The following KLF12 variants were observed in gnomAD, a reference collection of about 807,000 sequenced individuals.
The protein encoded by KLF12 is Krueppel-like factor 12.
A neutral mutation model predicts 37.8 loss-of-function variants in KLF12; 9 were observed. That is an observed-to-expected ratio of 0.24 (90% confidence interval 0.14 to 0.42). KLF12 has a LOEUF of 0.42. Among genes scored for constraint, KLF12 ranks in the 10% least tolerant of loss-of-function variants. The probability of loss-of-function intolerance (pLI) is 1.00; values close to 1 mark genes in which losing one functional copy is unlikely to be tolerated. For missense variants in KLF12, 411 were observed against 516.0 expected (o/e 0.80, Z 1.97); for synonymous variants, 208 against 202.1 (o/e 1.03, Z -0.25).
chr13:74,060,482 TTTTGTGTG>T (rs1206083419), intron 1 of KLF12, among the ~76,000 whole-genome samples: 4 of 67,340 alleles, frequency 5.9e-5, no homozygotes, highest in African/African-American at 2.8e-4. Context: ...TATACCTAGG[TTTTGTGTG>T]TGTGTGTGTG....
At chr13:73,872,394 C>A (rs958596594) in intron 3 of KLF12, among the ~76,000 whole-genome samples, 1 of 152,048 alleles carries the variant, frequency 6.6e-6, no homozygotes, top group Non-Finnish European at 1.5e-5. Flanking sequence ...ATTTTGAATG[C>A]TCAGGATTTT....
rs530032749 is a variant in KLF12, at chr13:74,043,175, C to T, written c.-31-48122G>A. On this transcript the variant is annotated intron_variant, in intron 1 of 7. Transcript: ENST00000377669. ...AAATAAGGGTCTAGCACTGCTGAAG[C>T]TTGCGTAAGTATCCCACTCATGGTC... Among the ~76,000 whole-genome samples the T allele has an allele frequency of 3.3e-5, 5 of 152,312 alleles. No individual in the cohort carries two copies. The South Asian group carries it at 8.3e-4, about 25-fold the overall frequency.
chr13:73,963,266 G>A (rs1368321241), intron 2 of KLF12, among the ~76,000 whole-genome samples: 2 of 144,150 alleles, frequency 1.4e-5, no homozygotes, highest in Non-Finnish European at 3.0e-5. Flanking sequence ...CAATCATAAA[G>A]TATAAGAGAG....
chr13:74,045,545 TGAG>T (rs1893519605), intron 1 of KLF12, among the ~76,000 whole-genome samples: 1 of 151,644 alleles, frequency 6.6e-6, no homozygotes, highest in South Asian at 2.1e-4. Context: ...AGATGAAAAC[TGAG>T]GAGATCTGAA....
intron 1 of KLF12, among the ~76,000 whole-genome samples, chr13:74,089,501 T>C (rs1232850215): frequency 3.9e-5 from 6 of 152,038 alleles, no homozygotes; most frequent in South Asian, 4.1e-4. Context: ...AAGATACTAC[T>C]ATAAAACCAC....
intron 1 of KLF12, among the ~76,000 whole-genome samples, chr13:74,082,098 C>T: frequency 6.7e-6 from 1 of 149,556 alleles, no homozygotes. Flanking sequence ...GAGGCTGAGG[C>T]AGGAGGACTG....
intron 7 of KLF12, among the ~76,000 whole-genome samples, chr13:73,709,472 C>T (rs1480806767): frequency 1.3e-5 from 2 of 152,150 alleles, no homozygotes; most frequent in Non-Finnish European, 2.9e-5. Flanking sequence ...TAAGAGCATG[C>T]AAACCAACCT....
At chr13:73,705,705 C>T in intron 7 of KLF12, among the ~76,000 whole-genome samples, 1 of 152,136 alleles carries the variant, frequency 6.6e-6, no homozygotes. Flanking sequence ...ATGACCAACA[C>T]TCAAATCTAG....
At chr13:74,068,118 T>C (rs1404854720) in intron 1 of KLF12, among the ~76,000 whole-genome samples, 1 of 152,172 alleles carries the variant, frequency 6.6e-6, no homozygotes, top group Non-Finnish European at 1.5e-5. Context: ...TAATAAGAGG[T>C]TTTTATCCTA....
chr13:74,010,362 A>G (rs969611154), intron 1 of KLF12, among the ~76,000 whole-genome samples: 2 of 152,216 alleles, frequency 1.3e-5, no homozygotes, highest in Non-Finnish European at 2.9e-5. Context: ...TTTTGGTAAG[A>G]CCACGAACAA....
At chr13:74,164,168 T>A in the KLF12 span, among the ~76,000 whole-genome samples, 1 of 152,144 alleles carries the variant, frequency 6.6e-6, no homozygotes, top group Non-Finnish European at 1.5e-5. Context: ...TGTCACTGTC[T>A]AGTCAAATGA....
At chr13:73,889,717 A>T (rs768554446) in intron 3 of KLF12, among the ~76,000 whole-genome samples, 4 of 152,150 alleles carry the variant, frequency 2.6e-5, no homozygotes, top group Non-Finnish European at 4.4e-5. Context: ...ATAAGCAAAG[A>T]TAATGCAAAA....
chr13:74,230,740 C>G, the KLF12 span, among the ~76,000 whole-genome samples: 1 of 152,216 alleles, frequency 6.6e-6, no homozygotes, highest in East Asian at 1.9e-4. Flanking sequence ...GCACGACTAT[C>G]AAGTGTTTAT....
the KLF12 span, among the ~76,000 whole-genome samples, chr13:74,173,019 C>T: frequency 2.6e-5 from 4 of 152,198 alleles, no homozygotes; most frequent in Non-Finnish European, 4.4e-5. Context: ...GATTCTGGGG[C>T]TTTTAATTTT....
At chr13:73,774,285 C>T (rs74095569) in intron 5 of KLF12, among the ~76,000 whole-genome samples, 113 of 62,520 alleles carry the variant, frequency 1.8e-3, no homozygotes, top group African/African-American at 7.8e-3. Flanking sequence ...TATATATATA[C>T]ACACACACAC....
chr13:74,203,881 ACT>A, the KLF12 span, among the ~76,000 whole-genome samples: 2 of 152,034 alleles, frequency 1.3e-5, no homozygotes, highest in Non-Finnish European at 2.9e-5. Flanking sequence ...GTCCCCCAAG[ACT>A]CTGTTTTGAA....
intron 3 of KLF12, among the ~76,000 whole-genome samples, chr13:73,860,312 A>G (rs947329358): frequency 2.6e-5 from 4 of 152,194 alleles, no homozygotes; most frequent in African/African-American, 7.2e-5. Flanking sequence ...CCCACCAAAG[A>G]TATCATTTTT....
chr13:73,928,177 CG>C (rs1440788373), intron 3 of KLF12, among the ~76,000 whole-genome samples: 1 of 152,188 alleles, frequency 6.6e-6, no homozygotes, highest in African/African-American at 2.4e-5. Context: ...CTTAAGTCCA[CG>C]ATGATTTCTG....
At chr13:73,739,779 C>T (rs1877821645) in intron 6 of KLF12, among the ~76,000 whole-genome samples, 1 of 152,136 alleles carries the variant, frequency 6.6e-6, no homozygotes, top group African/African-American at 2.4e-5. Flanking sequence ...GATAAATAAT[C>T]AGAGAAAACA....
Sources: gnomAD v4.1 joint callset for allele counts (sites outside exome capture counted in the v4.1 genomes callset) on GRCh38, gnomAD v4.1.1 for gene constraint, MANE v1.5 for transcripts, NCBI Gene and HGNC (gene_info 2026-07-23, HGNC 2026-07-21) for gene names.